The following AGBL4 variants were observed in gnomAD, a reference collection of about 807,000 sequenced individuals.
The protein encoded by AGBL4 is cytosolic carboxypeptidase 6.
AGBL4 carries 58 observed loss-of-function variants against 66.4 expected under a neutral mutation model. The observed-to-expected ratio is 0.87, with a 90% CI of 0.71 to 1.09. AGBL4 has a LOEUF of 1.09. Among genes scored for constraint, AGBL4 ranks in the 50% least tolerant of loss-of-function variants. AGBL4 has a pLI of 0.00. For missense variants in AGBL4, 579 were observed against 631.0 expected, an observed-to-expected ratio of 0.92 and a Z score of 0.88; for synonymous variants, 234 against 222.9, an observed-to-expected ratio of 1.05 and a Z score of -0.44.
chr1:48,964,548 C>T (rs1382218788), intron 5 of AGBL4, among the ~76,000 whole-genome samples: 3 of 152,082 alleles, frequency 2.0e-5, no homozygotes, highest in Non-Finnish European at 2.9e-5. Context: ...GTACTTTATG[C>T]AAATCTTTGC....
chr1:49,539,091 T>A (rs958014538), intron 3 of AGBL4, among the ~76,000 whole-genome samples: 3 of 152,158 alleles, frequency 2.0e-5, no homozygotes, highest in Non-Finnish European at 1.5e-5. Context: ...TATATAGTCC[T>A]TAAAGAGTTA....
chr1:49,512,531 G>A (rs941244999), intron 3 of AGBL4, among the ~76,000 whole-genome samples: 1 of 151,690 alleles, frequency 6.6e-6, no homozygotes, highest in African/African-American at 2.4e-5. Context: ...TGTTAAGTTT[G>A]TGGCATTTCC....
chr1:49,454,185 C>T (rs1557955497), intron 3 of AGBL4, among the ~76,000 whole-genome samples: 1 of 151,750 alleles, frequency 6.6e-6, no homozygotes, highest in African/African-American at 2.4e-5. Context: ...CAACGATATT[C>T]CATAACCTGA....
At chr1:49,561,134 A>G (rs903056206) in intron 3 of AGBL4, among the ~76,000 whole-genome samples, 1 of 152,112 alleles carries the variant, frequency 6.6e-6, no homozygotes, top group African/African-American at 2.4e-5. Context: ...CCAATTAAAA[A>G]TAATAACTAC....
Position 49,058,307 on chromosome 1 carries a change from A to T in AGBL4, c.378-12507T>A, listed in dbSNP as rs144812899. Among the ~76,000 whole-genome samples, 271 of 152,234 alleles carry T rather than the reference A, an allele frequency of 1.8e-3. 5 individuals carry two copies. The East Asian group carries it at 0.049, about 28-fold the overall frequency. ...AGACCCAGCAGGAGGTAATTGAATCATGGGGGCGGTTACCCCCATGCTGCT... is the reference window on the plus strand; with the variant it reads ...AGACCCAGCAGGAGGTAATTGAATCTTGGGGGCGGTTACCCCCATGCTGCT... On this transcript the variant is annotated intron_variant, in intron 4 of 13. Transcript: ENST00000371839.
At chr1:48,668,817 T>C (rs1369720206) in intron 6 of AGBL4, among the ~76,000 whole-genome samples, 4 of 152,238 alleles carry the variant, frequency 2.6e-5, no homozygotes, top group African/African-American at 9.6e-5. Flanking sequence ...TGAATTATAG[T>C]AAGAACATGG....
At chr1:48,937,489 C>A (rs1655578781) in intron 5 of AGBL4, among the ~76,000 whole-genome samples, 1 of 152,140 alleles carries the variant, frequency 6.6e-6, no homozygotes, top group Admixed American at 6.5e-5. Context: ...TATATACAGA[C>A]CCTAGACTCT....
At chr1:49,725,727 G>A (rs909188082) in intron 2 of AGBL4, among the ~76,000 whole-genome samples, 4 of 126,818 alleles carry the variant, frequency 3.2e-5, no homozygotes, top group Non-Finnish European at 6.2e-5. Flanking sequence ...CTCTGTCTCC[G>A]AGGCTGGAGT....
At chr1:49,357,705 A>G (rs1644048202) in intron 3 of AGBL4, among the ~76,000 whole-genome samples, 1 of 152,172 alleles carries the variant, frequency 6.6e-6, no homozygotes, top group African/African-American at 2.4e-5. Flanking sequence ...TAAATGGATG[A>G]CCACTCCAAG....
intron 4 of AGBL4, among the ~76,000 whole-genome samples, chr1:49,227,774 G>A (rs1650021678): frequency 6.6e-6 from 1 of 152,164 alleles, no homozygotes; most frequent in African/African-American, 2.4e-5. Context: ...TAAGACCCCT[G>A]ACTTAGCTGC....
rs1262445487 is a variant in AGBL4 at position 49,948,582 on chromosome 1, T to TATATAGAG, written c.34+75180_34+75181insCTCTATAT. On this transcript the variant is annotated intron_variant, in intron 1 of 13. Transcript: ENST00000371839. ...ATATAAAAATATATATATATATATA[T>TATATAGAG]AGAGAGAGAGAGAGAGAGAGAGAGA... Among the ~76,000 whole-genome samples the TATATAGAG allele has an allele frequency of 1.0e-4, 13 of 126,900 alleles. No homozygotes were observed. The South Asian group carries it at 2.8e-3, about 27-fold the overall frequency. The allele number at this position is 126,900 out of a possible 152,430, so 83.3% of individuals were successfully genotyped here.
intron 6 of AGBL4, among the ~76,000 whole-genome samples, chr1:48,754,617 C>T (rs571492752): frequency 1.3e-5 from 2 of 152,202 alleles, no homozygotes; most frequent in Admixed American, 1.3e-4. Context: ...TGAACACTTA[C>T]AATATGGGGG....
At chr1:48,669,053 C>T (rs1395426206) in intron 6 of AGBL4, among the ~76,000 whole-genome samples, 1 of 152,108 alleles carries the variant, frequency 6.6e-6, no homozygotes, top group Non-Finnish European at 1.5e-5. Flanking sequence ...ACCGTGTTCC[C>T]TGTGTTTCTT....
chr1:48,637,840 T>G (rs191218231), intron 8 of AGBL4, among the ~76,000 whole-genome samples: 1 of 152,290 alleles, frequency 6.6e-6, no homozygotes, highest in East Asian at 1.9e-4. Context: ...AAATAAGTCA[T>G]AGAAAATTCT....
chr1:49,282,568 G>A (rs887379101), intron 3 of AGBL4, among the ~76,000 whole-genome samples: 3 of 152,230 alleles, frequency 2.0e-5, no homozygotes, highest in African/African-American at 4.8e-5. Context: ...CAGCGTGAGC[G>A]ACGCAGAAGA....
intron 9 of AGBL4, among the ~76,000 whole-genome samples, chr1:48,598,334 G>A (rs1462043725): frequency 6.6e-6 from 1 of 152,102 alleles, no homozygotes; most frequent in African/African-American, 2.4e-5. Flanking sequence ...TCTGAGAAAT[G>A]CATCACTAGG....
chr1:48,781,780 G>T (rs1408924326), intron 6 of AGBL4, among the ~76,000 whole-genome samples: 2 of 152,130 alleles, frequency 1.3e-5, no homozygotes, highest in African/African-American at 4.8e-5. Flanking sequence ...AGACTCTCAC[G>T]CCTGCCCTTC....
chr1:48,527,063 T>C, the AGBL4 span, among the ~76,000 whole-genome samples: 1,713 of 152,176 alleles, frequency 0.011, 32 homozygotes, highest in African/African-American at 0.039. Flanking sequence ...CTCAGAGAGG[T>C]TGAGGCTTTG....
chr1:48,991,641 T>C (rs1001556209), intron 5 of AGBL4, among the ~76,000 whole-genome samples: 1 of 152,094 alleles, frequency 6.6e-6, no homozygotes, highest in African/African-American at 2.4e-5. Flanking sequence ...ACTTCCCTAG[T>C]CTTGTAGGTG....
Sources: allele counts gnomAD v4.1 joint callset (sites outside exome capture counted in the v4.1 genomes callset), GRCh38; gene constraint gnomAD v4.1.1; transcripts MANE v1.5; gene names NCBI Gene and HGNC (gene_info 2026-07-23, HGNC 2026-07-21).